ZBTB20: variants seen among roughly 807,000 people sequenced by gnomAD.
The protein encoded by ZBTB20 is zinc finger and BTB domain containing 20.
A neutral mutation model predicts 56.9 loss-of-function variants in ZBTB20; 9 were observed. The observed-to-expected ratio is 0.16, with a 90% confidence interval of 0.10 to 0.28. The LOEUF (loss-of-function observed/expected upper bound fraction) is 0.28. ZBTB20 is among the 10% of genes least tolerant of loss of function. ZBTB20 has a pLI of 1.00. For synonymous variants in ZBTB20, 417 were observed against 420.7 expected, an observed-to-expected ratio of 0.99 and a Z score of 0.11; for missense variants, 655 against 1,003.0, an observed-to-expected ratio of 0.65 and a Z score of 4.69.
intron 4 of ZBTB20, among the ~76,000 whole-genome samples, chr3:114,818,634 C>G (rs1347523568): frequency 6.6e-6 from 1 of 151,878 alleles, no homozygotes; most frequent in Non-Finnish European, 1.5e-5. Context: ...AACGTCCATT[C>G]CTAATAATCA....
chr3:114,576,310 T>C (rs1036878203), intron 6 of ZBTB20, among the ~76,000 whole-genome samples: 2 of 151,444 alleles, frequency 1.3e-5, no homozygotes, highest in East Asian at 3.9e-4. Flanking sequence ...CCATCCTGGC[T>C]AACACAGTGA....
chr3:114,960,196 A>G (rs533040243), intron 3 of ZBTB20, among the ~76,000 whole-genome samples: 2 of 152,352 alleles, frequency 1.3e-5, no homozygotes, highest in Admixed American at 6.5e-5. Context: ...AAAGTTTCAT[A>G]GCAATAACTG....
At chr3:114,356,832 T>A (rs1429100270) in intron 10 of ZBTB20, among the ~76,000 whole-genome samples, 1 of 152,186 alleles carries the variant, frequency 6.6e-6, no homozygotes, top group Non-Finnish European at 1.5e-5. Flanking sequence ...GGAGGTATAG[T>A]AGTTTCTTGC....
Position 115,034,966 on chromosome 3 carries a change from G to A in ZBTB20, c.-507+36253C>T, listed in dbSNP as rs368699026. 2.0e-3 allele frequency among the ~76,000 whole-genome samples: 307 copies of A among 152,152 alleles called. 8 individuals carry two copies. In the South Asian group the frequency reaches 0.061, roughly 30 times the overall value. ...TGCTAAAATTATTCAATGGGGAACAGACAGTCTTTTCAATAAATAGTGATT... is the reference window on the plus strand; with the variant it reads ...TGCTAAAATTATTCAATGGGGAACAAACAGTCTTTTCAATAAATAGTGATT... On this transcript the variant is annotated intron_variant, in intron 2 of 11. Coordinates refer to ENST00000675478, the MANE Select transcript of ZBTB20 (RefSeq NM_001348800.3).
intron 4 of ZBTB20, among the ~76,000 whole-genome samples, chr3:114,884,225 G>T (rs1246228830): frequency 6.6e-6 from 1 of 151,926 alleles, no homozygotes; most frequent in African/African-American, 2.4e-5. Context: ...GCGCCCGGCC[G>T]GTGTGTTCTT....
chr3:114,366,650 G>A (rs1418518537), intron 10 of ZBTB20: 1 of 152,156 alleles, frequency 6.6e-6, no homozygotes, highest in Non-Finnish European at 1.5e-5. Flanking sequence ...TTACTAGGAG[G>A]CTTTTAGATC....
rs1419838214 is a variant in ZBTB20 at position 114,336,865 on chromosome 3, C to T, written c.*2140G>A. 3 of 152,198 alleles carry T rather than the reference C, an allele frequency of 2.0e-5. No individual in the cohort carries two copies. Among genetic ancestry groups the T allele is most frequent in the Non-Finnish European group, 4.4e-5 (3 of 68,018 alleles). 9.4% of individuals were successfully genotyped at this position (152,198 alleles called of 1,614,324 possible). On this transcript the variant is annotated 3_prime_UTR_variant, in exon 12 of 12. Coordinates refer to ENST00000675478, the MANE Select transcript of ZBTB20 (RefSeq NM_001348800.3). ...GTGTTTTGCTTTGTTTAAAGATTTG[C>T]TTTCCCCTAAGTATGTTAAAATATG...
chr3:114,382,714 A>G (rs1241393214), intron 8 of ZBTB20, among the ~76,000 whole-genome samples: 1 of 152,154 alleles, frequency 6.6e-6, no homozygotes, highest in South Asian at 2.1e-4. Context: ...TTTTATTTCA[A>G]TAATGGCTAT....
chr3:114,931,705 T>G (rs1035032290), intron 3 of ZBTB20, among the ~76,000 whole-genome samples: 11 of 148,268 alleles, frequency 7.4e-5, no homozygotes, highest in Non-Finnish European at 1.4e-4. Flanking sequence ...TTTTTGTGTG[T>G]TTTTTTTTTA....
intron 4 of ZBTB20, among the ~76,000 whole-genome samples, chr3:114,828,070 G>GT (rs917499821): frequency 5.3e-5 from 8 of 151,676 alleles, no homozygotes; most frequent in Admixed American, 5.3e-4. Context: ...GCAAATATAT[G>GT]TTTTACAAAC....
intron 2 of ZBTB20, among the ~76,000 whole-genome samples, chr3:114,983,942 G>A (rs989555841): frequency 1.6e-4 from 24 of 151,760 alleles, no homozygotes; most frequent in African/African-American, 5.1e-4. Flanking sequence ...TTTTTAAAAC[G>A]AAACGATTTC....
rs574529562 is a variant in ZBTB20 at position 114,450,834 on chromosome 3, G to T, written c.-255+49518C>A. 3.3e-5 allele frequency among the ~76,000 whole-genome samples: 5 copies of T among 151,986 alleles called. No individual in the cohort carries two copies. The East Asian group carries it at 9.6e-4, about 29-fold the overall frequency. Reference sequence around the variant, plus strand: ...GTAATAACATCGGCACAATTCATCTGTTTTTCATAGCAAGCGTGGAAAAGA... The same window carrying T: ...GTAATAACATCGGCACAATTCATCTTTTTTTCATAGCAAGCGTGGAAAAGA... On this transcript the variant is annotated intron_variant, in intron 7 of 11. Transcript: ENST00000675478.
chr3:114,405,907 T>C (rs1207772805), intron 7 of ZBTB20, among the ~76,000 whole-genome samples: 1 of 152,046 alleles, frequency 6.6e-6, no homozygotes, highest in Non-Finnish European at 1.5e-5. Flanking sequence ...CATTCAGATA[T>C]AGTATCTTCA....
At chr3:114,488,817 A>G (rs1478299898) in intron 7 of ZBTB20, among the ~76,000 whole-genome samples, 1 of 152,208 alleles carries the variant, frequency 6.6e-6, no homozygotes, top group East Asian at 1.9e-4. Flanking sequence ...CAAATTCCCA[A>G]CTGTCCATCA....
At chr3:114,839,287 G>A (rs1242686835) in intron 4 of ZBTB20, among the ~76,000 whole-genome samples, 1 of 151,950 alleles carries the variant, frequency 6.6e-6, no homozygotes, top group Non-Finnish European at 1.5e-5. Context: ...TATGGTCCCA[G>A]CTACTTGGGA....
intron 3 of ZBTB20, among the ~76,000 whole-genome samples, chr3:114,935,713 C>G (rs561650006): frequency 6.6e-6 from 1 of 152,314 alleles, no homozygotes; most frequent in South Asian, 2.1e-4. Flanking sequence ...TCAGCTCCAT[C>G]TTCAATCTGG....
At chr3:114,889,084 T>G (rs980951000) in intron 4 of ZBTB20, among the ~76,000 whole-genome samples, 4 of 151,982 alleles carry the variant, frequency 2.6e-5, no homozygotes, top group Admixed American at 2.6e-4. Flanking sequence ...AAATATATTT[T>G]GAAAATATAT....
At chr3:114,742,727 C>A (rs2066705305) in intron 5 of ZBTB20, among the ~76,000 whole-genome samples, 1 of 152,076 alleles carries the variant, frequency 6.6e-6, no homozygotes, top group Admixed American at 6.6e-5. Flanking sequence ...GGTTTTTTAA[C>A]CCTGATTGCA....
intron 3 of ZBTB20, among the ~76,000 whole-genome samples, chr3:114,922,935 G>A (rs1156498567): frequency 6.6e-6 from 1 of 152,132 alleles, no homozygotes; most frequent in South Asian, 2.1e-4. Context: ...TCAACATGAG[G>A]TTTGTGGGGA....
Sources: gnomAD v4.1 joint callset for allele counts (sites outside exome capture counted in the v4.1 genomes callset) on GRCh38, gnomAD v4.1.1 for gene constraint, MANE v1.5 for transcripts, NCBI Gene and HGNC (gene_info 2026-07-23, HGNC 2026-07-21) for gene names.